Variants in CLSTN1 observed in about 807,000 individuals in gnomAD.
CLSTN1 encodes the protein calsyntenin-1.
A neutral mutation model predicts 108.3 loss-of-function variants in CLSTN1; 28 were observed. The observed-to-expected ratio is 0.26, with a 90% CI of 0.19 to 0.35. CLSTN1 has a LOEUF of 0.35. Among genes scored for constraint, CLSTN1 ranks in the 10% least tolerant of loss-of-function variants. The pLI is 1.00. For missense variants in CLSTN1, 1,157 were observed against 1,302.6 expected, an observed-to-expected ratio of 0.89 and a Z score of 1.72; for synonymous variants, 524 against 534.9, an observed-to-expected ratio of 0.98 and a Z score of 0.28.
chr1:9,730,766 A>G lies in CLSTN1; in HGVS notation c.2749-61T>C. 1 of 1,469,048 alleles carries G rather than the reference A, an allele frequency of 6.8e-7. No individual in the cohort carries two copies. The highest frequency in any genetic ancestry group is 9.2e-7 in the Non-Finnish European group (1 of 1,081,570). 91.0% of individuals were successfully genotyped at this position (1,469,048 alleles called of 1,614,324 possible). A position where few individuals can be genotyped will look rare whatever the true frequency, so the allele number is the denominator to read the frequency against. On this transcript the variant is annotated intron_variant, in intron 18 of 18. Transcript: ENST00000377298. The surrounding 1 kb of genome is among the most constrained non-coding windows in gnomAD (Gnocchi z 5.6). Reference sequence around the variant, plus strand: ...CCTGCCCACAGCCCCGTCACCTGGCATTCTCCTCTCGACAGCCACAGAGGA... The same window carrying G: ...CCTGCCCACAGCCCCGTCACCTGGCGTTCTCCTCTCGACAGCCACAGAGGA...
rs147539025 is a variant in CLSTN1, at chr1:9,800,645, A to G, written c.91+22998T>C. On this transcript the variant is annotated intron_variant, in intron 1 of 18. Transcript: ENST00000377298. Reference sequence around the variant, plus strand: ...CTCAGGAGGCTGAGGCAGGAGAATGACGTGAACCCAGGAAGCGGACCTTGC... The same window carrying G: ...CTCAGGAGGCTGAGGCAGGAGAATGGCGTGAACCCAGGAAGCGGACCTTGC... Among the ~76,000 whole-genome samples, 1,238 of 150,240 alleles carry G rather than the reference A, an allele frequency of 8.2e-3. 19 individuals carry two copies. Among genetic ancestry groups the G allele is most frequent in the East Asian group, 0.043 (219 of 5,120 alleles).
chr1:9,776,524 TA>T (rs76354703), intron 1 of CLSTN1, among the ~76,000 whole-genome samples: 21 of 148,446 alleles, frequency 1.4e-4, no homozygotes, highest in Admixed American at 3.4e-4. Flanking sequence ...AGTTTACATT[TA>T]AAAAAAAAAA....
chr1:9,813,119 TACACC>T (rs940778755), intron 1 of CLSTN1, among the ~76,000 whole-genome samples: 3 of 150,430 alleles, frequency 2.0e-5, no homozygotes, highest in African/African-American at 7.4e-5. Context: ...GAGCCGAGAG[TACACC>T]ACTGCACTCC....
intron 1 of CLSTN1, among the ~76,000 whole-genome samples, chr1:9,813,510 AAAG>A (rs1052154779): frequency 2.0e-5 from 3 of 149,824 alleles, no homozygotes; most frequent in African/African-American, 7.6e-5. Context: ...AAAAAAAAAA[AAAG>A]AAAGAAAGAA....
rs200480232 is a variant in CLSTN1 at position 9,731,189 on chromosome 1, C to T, written c.2748+17G>A. 2.8e-4 allele frequency: 444 copies of T among 1,613,870 alleles called. 1 individual carries two copies. The highest frequency in any genetic ancestry group is 6.6e-4 in the Middle Eastern group (4 of 6,084). On this transcript the variant is annotated intron_variant, in intron 18 of 18. Coordinates refer to ENST00000377298, the MANE Select transcript of CLSTN1 (RefSeq NM_001009566.3). ...TGTGCTGCCTCTCAGTCCTGGAGGT[C>T]GCCCGCCCACTCCTACCTCCATGGG...
intron 10 of CLSTN1, among the ~76,000 whole-genome samples, chr1:9,738,652 G>T (rs1049572899): frequency 2.0e-5 from 3 of 152,146 alleles, no homozygotes; most frequent in Non-Finnish European, 4.4e-5. Flanking sequence ...AATCTGTGGG[G>T]TTTTTTTGTT....
At chr1:9,811,406 T>C (rs1654751244) in intron 1 of CLSTN1, among the ~76,000 whole-genome samples, 2 of 152,178 alleles carry the variant, frequency 1.3e-5, no homozygotes, top group African/African-American at 4.8e-5. Flanking sequence ...TTTTAAACCC[T>C]TGCCAAATGA....
At chr1:9,780,363 C>T (rs1034791582) in intron 1 of CLSTN1, among the ~76,000 whole-genome samples, 1 of 152,054 alleles carries the variant, frequency 6.6e-6, no homozygotes, top group Non-Finnish European at 1.5e-5. Flanking sequence ...TTTAGCCCAA[C>T]GGGGATGTAA....
chr1:9,801,028 CCT>C, intron 1 of CLSTN1, among the ~76,000 whole-genome samples: 1 of 152,048 alleles, frequency 6.6e-6, no homozygotes, highest in Admixed American at 6.6e-5. Context: ...AGATGGATCA[CCT>C]GAGATCAGGA....
chr1:9,817,337 C>T (rs998351147), intron 1 of CLSTN1, among the ~76,000 whole-genome samples: 1 of 151,742 alleles, frequency 6.6e-6, no homozygotes, highest in Non-Finnish European at 1.5e-5. Context: ...AGATTTTTTT[C>T]TTTTTTTGAG....
chr1:9,734,229 C>G lies in CLSTN1; in HGVS notation c.2111-87G>C. ...ACACTGGATGCCCTGCCGGCTCACC[C>G]CAAACCTACATGGCTCTCGTAAGGA... On this transcript the variant is annotated intron_variant, in intron 14 of 18. Transcript: ENST00000377298. This position sits in a 1 kb window ranked among gnomAD's most constrained non-coding sequence, Gnocchi z 4.8. 1.5e-6 allele frequency: 2 copies of G among 1,355,200 alleles called. No homozygotes were observed. The allele number at this position is 1,355,200 out of a possible 1,614,324, so 83.9% of individuals were successfully genotyped here.
chr1:9,784,996 CTTTTTTT>C (rs549145155), intron 1 of CLSTN1, among the ~76,000 whole-genome samples: 1 of 133,470 alleles, frequency 7.5e-6, no homozygotes, highest in Non-Finnish European at 1.6e-5. Context: ...GTCATAAATT[CTTTTTTT>C]TTTTTTTTTT....
At chr1:9,797,786 C>T (rs1262303318) in intron 1 of CLSTN1, among the ~76,000 whole-genome samples, 1 of 151,974 alleles carries the variant, frequency 6.6e-6, no homozygotes, top group Admixed American at 6.6e-5. Context: ...AATTCCCTTT[C>T]CTGGCAGGAA....
intron 1 of CLSTN1, among the ~76,000 whole-genome samples, chr1:9,796,535 T>C (rs990840937): frequency 3.0e-4 from 45 of 147,550 alleles, no homozygotes; most frequent in Non-Finnish European, 5.5e-4. Flanking sequence ...AAAAAAAAAA[T>C]TAGCCGGACG....
chr1:9,805,027 GGA>G (rs1654446628), intron 1 of CLSTN1, among the ~76,000 whole-genome samples: 1 of 151,736 alleles, frequency 6.6e-6, no homozygotes, highest in South Asian at 2.1e-4. Flanking sequence ...GAGTGAGGCA[GGA>G]GAATCACTTG....
At chr1:9,745,771 T>TG (rs1651237921) in intron 7 of CLSTN1, among the ~76,000 whole-genome samples, 1 of 144,326 alleles carries the variant, frequency 6.9e-6, no homozygotes, top group Non-Finnish European at 1.5e-5. Flanking sequence ...AGTTGTTTTT[T>TG]TTTTTTTTTT....
At chr1:9,805,982 A>AATATCC (rs1654491122) in intron 1 of CLSTN1, among the ~76,000 whole-genome samples, 1 of 152,102 alleles carries the variant, frequency 6.6e-6, no homozygotes, top group South Asian at 2.1e-4. Context: ...ATTTCTAATA[A>AATATCC]ATATCCATAG....
In CLSTN1 at chr1:9,793,036, G is replaced by C. The variant is rs927395965; in HGVS notation, c.92-19642C>G. 8.0e-4 allele frequency among the ~76,000 whole-genome samples: 121 copies of C among 151,266 alleles called. 2 individuals are homozygous for C. The highest frequency in any genetic ancestry group is 2.6e-3 in the African/African-American group (109 of 41,442). ...ATCCCTTTTTTTTTCTTTTGAGACAGAGTCTCAATCTGTCCGCCCAGGCTG... is the reference window on the plus strand; with the variant it reads ...ATCCCTTTTTTTTTCTTTTGAGACACAGTCTCAATCTGTCCGCCCAGGCTG... On this transcript the variant is annotated intron_variant, in intron 1 of 18. Coordinates refer to ENST00000377298, the MANE Select transcript of CLSTN1 (RefSeq NM_001009566.3).
chr1:9,769,222 C>A (rs1244538060), intron 2 of CLSTN1, among the ~76,000 whole-genome samples: 1 of 151,912 alleles, frequency 6.6e-6, no homozygotes, highest in East Asian at 1.9e-4. Flanking sequence ...CCCTCCCCCC[C>A]ATGCAGCTGC....
Sources: allele counts gnomAD v4.1 joint callset (sites outside exome capture counted in the v4.1 genomes callset), GRCh38; gene constraint gnomAD v4.1.1; non-coding constraint Gnocchi (gnomAD v3.1); transcripts MANE v1.5; gene names NCBI Gene and HGNC (gene_info 2026-07-23, HGNC 2026-07-21).